The following ANKRD36C variants were observed in gnomAD, a reference collection of about 807,000 sequenced individuals.
ANKRD36C encodes ankyrin repeat domain-containing protein 36C.
In ANKRD36C, 61 loss-of-function variants were observed where a neutral mutation model predicts 276.4. The ratio of observed to expected loss-of-function variants is 0.22; its 90% CI spans 0.18 to 0.27. The LOEUF (loss-of-function observed/expected upper bound fraction) is 0.27. ANKRD36C is among the 10% of genes least tolerant of loss of function. The pLI is 1.00. For synonymous variants in ANKRD36C, 483 were observed against 680.1 expected (o/e 0.71, Z 4.51); for missense variants, 1,447 against 2,032.3 (o/e 0.71, Z 5.54).
intron 59 of ANKRD36C, among the ~76,000 whole-genome samples, chr2:95,871,290 G>A (rs898772509): frequency 2.0e-5 from 3 of 152,142 alleles, no homozygotes; most frequent in Non-Finnish European, 4.4e-5. Flanking sequence ...CCCACAAAGA[G>A]AAGCCCATCA....
At chr2:95,893,544 T>A (rs1228421322) in intron 44 of ANKRD36C, 1 of 1,547,322 alleles carries the variant, frequency 6.5e-7, no homozygotes, top group Admixed American at 2.0e-5. Flanking sequence ...TGTTCTAGAT[T>A]TTTCTCCATC....
At chr2:95,946,882 G>T (rs1312791735) in intron 17 of ANKRD36C, among the ~76,000 whole-genome samples, 1 of 151,584 alleles carries the variant, frequency 6.6e-6, no homozygotes, top group Non-Finnish European at 1.5e-5. Flanking sequence ...TACAGGAAGG[G>T]GAATATCACA....
At position 95,880,575 on chromosome 2, in the gene ANKRD36C, A is replaced by G. The variant is rs550598577; in HGVS notation, c.3396+20T>C. ...GGTTATGCAGTTAATAATTAAAAAT[A>G]TAAATGTAAGAGTAATTACCTTCAA... On this transcript the variant is annotated intron_variant, in intron 57 of 66. Coordinates refer to ENST00000456556, the Ensembl canonical transcript of ANKRD36C. 20 of 1,534,200 alleles carry G rather than the reference A, an allele frequency of 1.3e-5. No homozygotes were observed. In the South Asian group the frequency reaches 2.2e-4, roughly 17 times the overall value.
At chr2:95,863,597 T>A (rs2104277872) in intron 60 of ANKRD36C, among the ~76,000 whole-genome samples, 1 of 152,184 alleles carries the variant, frequency 6.6e-6, no homozygotes, top group South Asian at 2.1e-4. Flanking sequence ...GAAGACATCC[T>A]CCCATAGTGG....
intron 28 of ANKRD36C, 69 bp from the exon 29 acceptor site, chr2:95,925,616 G>C: frequency 6.9e-7 from 1 of 1,441,020 alleles, no homozygotes; most frequent in Non-Finnish European, 9.4e-7. Context: ...CATTCATGCA[G>C]TGTTAGCATC....
chr2:95,988,644 T>A lies in ANKRD36C; in HGVS notation c.198-1438A>T, dbSNP rs148193917. ...ATGAAAAAAACATAAATTAAAGCAG[T>A]GCTTTTGGAATAGTGATAATCACTT... On this transcript the variant is annotated intron_variant, in intron 1 of 66. Transcript: ENST00000456556. Among the ~76,000 whole-genome samples the A allele has an allele frequency of 2.0e-3, 299 of 152,316 alleles. 2 individuals are homozygous for A. The highest frequency in any genetic ancestry group is 6.9e-3 in the African/African-American group (286 of 41,562).
intron 17 of ANKRD36C, among the ~76,000 whole-genome samples, chr2:95,946,049 G>C (rs1678038113): frequency 6.8e-6 from 1 of 146,744 alleles, no homozygotes; most frequent in Non-Finnish European, 1.5e-5. Context: ...GTAATAAAAA[G>C]TTTAATTTGT....
intron 24 of ANKRD36C, among the ~76,000 whole-genome samples, chr2:95,930,479 C>T (rs922411810): frequency 4.6e-5 from 7 of 151,648 alleles, no homozygotes; most frequent in African/African-American, 1.4e-4. Context: ...GATGTTTCTA[C>T]ATTTCCTGGA....
chr2:95,939,908 A>C (rs1677827272), intron 20 of ANKRD36C, among the ~76,000 whole-genome samples: 1 of 151,936 alleles, frequency 6.6e-6, no homozygotes, highest in Admixed American at 6.5e-5. Flanking sequence ...CTTATGCAAA[A>C]AAAAAGTATG....
intron 30 of ANKRD36C, among the ~76,000 whole-genome samples, chr2:95,923,960 C>G (rs1200968266): frequency 1.3e-5 from 2 of 151,670 alleles, no homozygotes; most frequent in African/African-American, 4.8e-5. Flanking sequence ...GTGAATATGT[C>G]GAATGATGAG....
chr2:95,912,730 T>A (rs1676970371), intron 40 of ANKRD36C, among the ~76,000 whole-genome samples: 1 of 151,412 alleles, frequency 6.6e-6, no homozygotes, highest in African/African-American at 2.4e-5. Flanking sequence ...TGAGGACAAA[T>A]GTGATCTAAA....
At chr2:95,915,242 C>T (rs1288545106) in intron 38 of ANKRD36C, among the ~76,000 whole-genome samples, 1 of 151,468 alleles carries the variant, frequency 6.6e-6, no homozygotes, top group Non-Finnish European at 1.5e-5. Context: ...ACAAGTAAGC[C>T]AACCTATTCA....
chr2:95,852,096 A>G (rs754491116), intron 65 of ANKRD36C, 30 bp downstream of exon 85: 9 of 1,586,996 alleles, frequency 5.7e-6, no homozygotes, highest in African/African-American at 2.7e-5. Flanking sequence ...TAAATACTCA[A>G]GTTATTTTGT....
intron 6 of ANKRD36C, among the ~76,000 whole-genome samples, chr2:95,969,029 A>C (rs1678648514): frequency 6.6e-6 from 1 of 152,132 alleles, no homozygotes; most frequent in South Asian, 2.1e-4. Context: ...ATTGGAGAGG[A>C]TCCAGGCAGC....
intron 58 of ANKRD36C, among the ~76,000 whole-genome samples, chr2:95,880,171 G>T (rs1162456590): frequency 2.0e-5 from 3 of 150,840 alleles, no homozygotes; most frequent in Non-Finnish European, 3.0e-5. Flanking sequence ...CAAGAGCAAA[G>T]CTCTGTCTCC....
chr2:95,886,693 G>C (rs911538828), intron 50 of ANKRD36C, among the ~76,000 whole-genome samples: 2 of 151,710 alleles, frequency 1.3e-5, no homozygotes, highest in African/African-American at 4.8e-5. Flanking sequence ...CAATAACTGA[G>C]AAGGTACACA....
intron 42 of ANKRD36C, 64 bp downstream of exon 46, chr2:95,910,309 T>C (rs1676874691): frequency 1.4e-6 from 2 of 1,474,082 alleles, no homozygotes; most frequent in African/African-American, 1.4e-5. Context: ...GCTGCTTTAT[T>C]TGGAGAAGAG....
intron 6 of ANKRD36C, among the ~76,000 whole-genome samples, chr2:95,975,224 A>G (rs1323717136): frequency 6.6e-6 from 1 of 152,212 alleles, no homozygotes; most frequent in Non-Finnish European, 1.5e-5. Context: ...TATAGATTCA[A>G]TGCCATCCCA....
At chr2:95,933,159 C>A (rs1337443336) in intron 24 of ANKRD36C, among the ~76,000 whole-genome samples, 1 of 152,254 alleles carries the variant, frequency 6.6e-6, no homozygotes, top group Non-Finnish European at 1.5e-5. Flanking sequence ...GTTTTGGTAG[C>A]TGTACCATGC....
Sources: allele counts gnomAD v4.1 joint callset (sites outside exome capture counted in the v4.1 genomes callset), GRCh38; gene constraint gnomAD v4.1.1; transcripts MANE v1.5; gene names NCBI Gene and HGNC (gene_info 2026-07-23, HGNC 2026-07-21).